Variants in RBM28 observed in about 807,000 individuals in gnomAD.
The protein encoded by RBM28 is RNA-binding protein 28.
In RBM28, 78 loss-of-function variants were observed where a neutral mutation model predicts 98.3. The ratio of observed to expected loss-of-function variants is 0.79; its 90% CI spans 0.66 to 0.96. The LOEUF (loss-of-function observed/expected upper bound fraction) is 0.96, where lower values mean the gene tolerates loss of function less well. RBM28 is among the 40% of genes least tolerant of loss of function. The pLI is 0.00. For synonymous variants in RBM28, 306 were observed against 330.9 expected (o/e 0.92, Z 0.82); for missense variants, 838 against 913.0 (o/e 0.92, Z 1.06).
At chr7:128,338,912 T>G (rs1436340288) in intron 3 of RBM28, 111 bp from the exon 4 acceptor site, 1 of 851,826 alleles carries the variant, frequency 1.2e-6, no homozygotes, top group Non-Finnish European at 1.9e-6. Flanking sequence ...TTACTTTTTT[T>G]TATTTTTGAT....
intron 17 of RBM28, among the ~76,000 whole-genome samples, 198 bp from the exon 18 acceptor site, chr7:128,313,472 C>T (rs1397625430): frequency 1.3e-5 from 2 of 152,152 alleles, no homozygotes; most frequent in East Asian, 3.8e-4. Flanking sequence ...CCAGCCTATG[C>T]AACATAGCAA....
rs1795804174 is a variant in RBM28 at position 128,303,183 on chromosome 7, G to C, written c.*7614C>G. 1 of 152,146 alleles carries C rather than the reference G, an allele frequency of 6.6e-6. No individual in the cohort carries two copies. The highest frequency in any genetic ancestry group is 6.5e-5 in the Admixed American group (1 of 15,276). The allele number at this position is 152,146 out of a possible 1,614,324, so 9.4% of individuals were successfully genotyped here. On this transcript the variant is annotated 3_prime_UTR_variant, in exon 19 of 19. Transcript: ENST00000223073. The stretch of plus-strand genomic sequence containing the variant: ...TTTAATCCCAAAAACATTTGGTATA[G>C]CTGGCAAAAAGTGTTCTGTTCTTAT...
intron 17 of RBM28, among the ~76,000 whole-genome samples, chr7:128,313,543 T>C (rs1257260018): frequency 6.6e-6 from 1 of 152,148 alleles, no homozygotes; most frequent in Non-Finnish European, 1.5e-5. Flanking sequence ...CTGAGGAAGG[T>C]GGATTGAGTC....
intron 10 of RBM28, among the ~76,000 whole-genome samples, chr7:128,327,980 T>C (rs189689721): frequency 7.9e-5 from 12 of 152,322 alleles, no homozygotes; most frequent in African/African-American, 2.6e-4. Context: ...TAAAAATGAA[T>C]GGCACAGACT....
At chr7:128,313,062 C>A (rs2116320903) in intron 18 of RBM28, 113 bp downstream of exon 18, 2 of 1,084,284 alleles carry the variant, frequency 1.8e-6, no homozygotes, top group Non-Finnish European at 2.8e-6. Context: ...AAGCTACCGT[C>A]CTACACAGAA....
Position 128,299,203 on chromosome 7 carries a change from G to A in RBM28, c.*11594C>T, listed in dbSNP as rs1795749424. ...AGCAGAGGGGGTGAGGGAAAAGCACGATCCAGCGCCTTTAATGTAGTTTCC... is the reference window on the plus strand; with the variant it reads ...AGCAGAGGGGGTGAGGGAAAAGCACAATCCAGCGCCTTTAATGTAGTTTCC... On this transcript the variant is annotated 3_prime_UTR_variant, in exon 19 of 19. Coordinates refer to ENST00000223073, the MANE Select transcript of RBM28 (RefSeq NM_018077.3). 6.6e-6 allele frequency: 1 copy of A among 152,316 alleles called. No individual in the cohort carries two copies. The highest frequency in any genetic ancestry group is 1.5e-5 in the Non-Finnish European group (1 of 68,078). 9.4% of individuals were successfully genotyped at this position (152,316 alleles called of 1,614,324 possible). A position where few individuals can be genotyped will look rare whatever the true frequency, so the allele number is the denominator to read the frequency against.
intron 18 of RBM28, among the ~76,000 whole-genome samples, chr7:128,312,216 C>T (rs973078717): frequency 6.6e-6 from 1 of 152,120 alleles, no homozygotes; most frequent in East Asian, 1.9e-4. Context: ...GTCAAGAGTT[C>T]AAGGCCAGCC....
Position 128,308,852 on chromosome 7 carries a change from C to T in RBM28, c.*1945G>A, listed in dbSNP as rs1365601882. On this transcript the variant is annotated 3_prime_UTR_variant, in exon 19 of 19. Transcript: ENST00000223073. The stretch of plus-strand genomic sequence containing the variant: ...AATTAGCCGGGCGTGGTGGCAGCAC[C>T]TGTAATCCCCGCTACTCGGGAGGCT... 6.6e-6 allele frequency: 1 copy of T among 151,882 alleles called. No homozygotes were observed. The highest frequency in any genetic ancestry group is 1.5e-5 in the Non-Finnish European group (1 of 68,158). The allele number at this position is 151,882 out of a possible 1,614,324, so 9.4% of individuals were successfully genotyped here.
intron 9 of RBM28, among the ~76,000 whole-genome samples, chr7:128,332,630 GC>G: frequency 6.6e-6 from 1 of 152,108 alleles, no homozygotes; most frequent in Non-Finnish European, 1.5e-5. Flanking sequence ...GAGATTACAG[GC>G]CTGAGCCACC....
At chr7:128,338,447 GCC>G (rs1305832923) in intron 4 of RBM28, 105 bp from the exon 5 acceptor site, 1 of 955,778 alleles carries the variant, frequency 1.0e-6, no homozygotes, top group East Asian at 2.5e-5. Context: ...CCCAAATTCT[GCC>G]AGCAGGTCAG....
intron 18 of RBM28, among the ~76,000 whole-genome samples, chr7:128,312,688 G>A (rs574514938): frequency 7.2e-5 from 11 of 152,166 alleles, no homozygotes; most frequent in African/African-American, 2.7e-4. Context: ...TACTAACCAA[G>A]TATAAAAAAA....
Position 128,305,306 on chromosome 7 carries a change from T to C in RBM28, c.*5491A>G, listed in dbSNP as rs912866726. 2 of 152,118 alleles carry C rather than the reference T, an allele frequency of 1.3e-5. No homozygotes were observed. Among genetic ancestry groups the C allele is most frequent in the African/African-American group, 2.4e-5 (1 of 41,416 alleles). The allele number at this position is 152,118 out of a possible 1,614,324, so 9.4% of individuals were successfully genotyped here. A position where few individuals can be genotyped will look rare whatever the true frequency, so the allele number is the denominator to read the frequency against. ...CCCCACCATGGACCAGAATACAAGATAGCATTTTTTCTGCAGTAGTATCCA... is the reference window on the plus strand; with the variant it reads ...CCCCACCATGGACCAGAATACAAGACAGCATTTTTTCTGCAGTAGTATCCA... On this transcript the variant is annotated 3_prime_UTR_variant, in exon 19 of 19. Transcript: ENST00000223073.
intron 2 of RBM28, 66 bp from the exon 3 acceptor site, chr7:128,339,387 GA>G: frequency 1.1e-5 from 15 of 1,356,472 alleles, no homozygotes; most frequent in East Asian, 2.3e-5. Context: ...GAACATCACA[GA>G]AAAAAAAGCT....
At chr7:128,332,214 T>C (rs1796494873) in intron 9 of RBM28, among the ~76,000 whole-genome samples, 1 of 152,238 alleles carries the variant, frequency 6.6e-6, no homozygotes, top group African/African-American at 2.4e-5. Flanking sequence ...ATAGCATGTA[T>C]AAATTCATCT....
chr7:128,339,898 T>A lies in RBM28; in HGVS notation c.119-107A>T, dbSNP rs1011757956. On this transcript the variant is annotated intron_variant, in intron 1 of 18. Transcript: ENST00000223073. ...AATCCTCAAAGCCTAAGCTAGAGGA[T>A]ATACTGCCAACCCATCTTGCTATCA... is the stretch of plus-strand genomic sequence containing the variant. 4 of 1,302,736 alleles carry A rather than the reference T, an allele frequency of 3.1e-6. No homozygotes were observed. The African/African-American group carries it at 5.9e-5, about 19-fold the overall frequency. 80.7% of individuals were successfully genotyped at this position (1,302,736 alleles called of 1,614,324 possible).
At chr7:128,329,278 T>C (rs113962289) in intron 10 of RBM28, among the ~76,000 whole-genome samples, 12,660 of 152,114 alleles carry the variant, frequency 0.083, 665 homozygotes, top group African/African-American at 0.14. Context: ...TTTGTATTTT[T>C]AGTAGAGATG....
chr7:128,320,984 G>A (rs1369641804), intron 14 of RBM28, among the ~76,000 whole-genome samples: 1 of 152,182 alleles, frequency 6.6e-6, no homozygotes, highest in Non-Finnish European at 1.5e-5. Context: ...TGGCTAACAT[G>A]GTGCAATCCC....
rs752632428 is a variant in RBM28, at chr7:128,330,868, T to A, written c.1080A>T (p.Glu360Asp). ...ELGELLQQFG[E>D]LKYVRIVLHP... Reference sequence around the variant, plus strand: ...GCAAGACAATGCGGACATATTTGAGTTCTCCAAACTGTTGGAGAAGCTCCC... The same window carrying A: ...GCAAGACAATGCGGACATATTTGAGATCTCCAAACTGTTGGAGAAGCTCCC... Residue 360 changes from glutamate (E) to aspartate (D), a missense_variant, in exon 10 of 19, where the codon GAA (glutamate) becomes GAT (aspartate). Coordinates refer to ENST00000223073, the MANE Select transcript of RBM28 (RefSeq NM_018077.3). 5.6e-6 allele frequency: 9 copies of A among 1,613,924 alleles called. No homozygotes were observed. Among genetic ancestry groups the A allele is most frequent in the Non-Finnish European group, 5.9e-6 (7 of 1,179,990 alleles).
rs759397005 is a variant in RBM28, at chr7:128,313,286, T to C, written c.2046-12A>G. ...CTTTGTCCCGCAACCTGAAATAACA[T>C]GGCTGAGTGTCACCTTGAGTCCTTC... On this transcript the variant is annotated splice_polypyrimidine_tract_variant and intron_variant, in intron 17 of 18. Transcript: ENST00000223073. The C allele has an allele frequency of 6.8e-6, 11 of 1,610,406 alleles. No homozygotes were observed. The highest frequency in any genetic ancestry group is 3.3e-5 in the Admixed American group (2 of 59,994).
Sources: gnomAD v4.1 joint callset for allele counts (sites outside exome capture counted in the v4.1 genomes callset) on GRCh38, gnomAD v4.1.1 for gene constraint, MANE v1.5 for transcripts, NCBI Gene and HGNC (gene_info 2026-07-23, HGNC 2026-07-21) for gene names.